PXDNL: variants seen among roughly 807,000 people sequenced by gnomAD.
The protein encoded by PXDNL is probable oxidoreductase PXDNL.
PXDNL carries 145 observed loss-of-function variants against 150.8 expected under a neutral mutation model. The ratio of observed to expected loss-of-function variants is 0.96; its 90% CI spans 0.84 to 1.10. The LOEUF is 1.10. Ranked by LOEUF, PXDNL falls within the 50% of genes least tolerant of loss-of-function variation. PXDNL has a pLI of 0.00. For missense variants in PXDNL, 2,087 were observed against 1,873.9 expected, an observed-to-expected ratio of 1.11 and a Z score of -2.10; for synonymous variants, 757 against 725.7, an observed-to-expected ratio of 1.04 and a Z score of -0.69.
chr8:51,486,537 TAA>T (rs1810740816), intron 5 of PXDNL, among the ~76,000 whole-genome samples: 1 of 151,810 alleles, frequency 6.6e-6, no homozygotes, highest in African/African-American at 2.4e-5. Flanking sequence ...TTCAGTAAAT[TAA>T]AACAGTAGTA....
At chr8:51,493,576 A>C (rs973147654) in intron 5 of PXDNL, among the ~76,000 whole-genome samples, 5 of 152,222 alleles carry the variant, frequency 3.3e-5, no homozygotes, top group African/African-American at 9.6e-5. Flanking sequence ...CAATGCAGAG[A>C]AGTCCTTAAA....
At chr8:51,680,180 A>G (rs1017198733) in intron 1 of PXDNL, among the ~76,000 whole-genome samples, 1 of 152,174 alleles carries the variant, frequency 6.6e-6, no homozygotes, top group Non-Finnish European at 1.5e-5. Context: ...CTTATCCACA[A>G]TGGAGAGTCA....
chr8:51,771,049 T>C (rs1230920885), intron 1 of PXDNL, among the ~76,000 whole-genome samples: 1 of 152,268 alleles, frequency 6.6e-6, no homozygotes, highest in African/African-American at 2.4e-5. Flanking sequence ...AGCATGCTGC[T>C]ATCAGTCTTG....
At chr8:51,789,190 G>A (rs1293276447) in intron 1 of PXDNL, among the ~76,000 whole-genome samples, 1 of 146,476 alleles carries the variant, frequency 6.8e-6, no homozygotes, top group Non-Finnish European at 1.5e-5. Flanking sequence ...TCTCCTCATT[G>A]TACCCATTTT....
At chr8:51,640,968 C>T (rs1360804354) in intron 2 of PXDNL, among the ~76,000 whole-genome samples, 1 of 152,160 alleles carries the variant, frequency 6.6e-6, no homozygotes, top group Non-Finnish European at 1.5e-5. Flanking sequence ...CACAAGGCTA[C>T]AGTAACCCAA....
chr8:51,743,930 AGGAAGGAAGGAG>A, intron 1 of PXDNL, among the ~76,000 whole-genome samples: 1 of 57,096 alleles, frequency 1.8e-5, no homozygotes, highest in African/African-American at 4.3e-5. Flanking sequence ...GAAGGAAGGA[AGGAAGGAAGGAG>A]AGAAAGAGAG....
chr8:51,415,771 T>C (rs1006971532), intron 14 of PXDNL, among the ~76,000 whole-genome samples: 5 of 152,116 alleles, frequency 3.3e-5, no homozygotes, highest in Non-Finnish European at 7.4e-5. Flanking sequence ...CGAATTAAAA[T>C]ATATAATACT....
chr8:51,739,698 C>T (rs1367273701), intron 1 of PXDNL, among the ~76,000 whole-genome samples: 1 of 151,788 alleles, frequency 6.6e-6, no homozygotes, highest in African/African-American at 2.4e-5. Flanking sequence ...CACAGTGAAG[C>T]CCCGTTTCTA....
rs115458290 is a variant in PXDNL, at chr8:51,719,869, C to T, written c.165-65109G>A. 3.4e-3 allele frequency among the ~76,000 whole-genome samples: 510 copies of T among 152,002 alleles called. 1 individual carries two copies. Among genetic ancestry groups the T allele is most frequent in the African/African-American group, 0.012 (478 of 41,454 alleles). On this transcript the variant is annotated intron_variant, in intron 1 of 22. Coordinates refer to ENST00000356297, the MANE Select transcript of PXDNL (RefSeq NM_144651.5). ...TTTTTTCAAAGATCAGTAAGCGGTG[C>T]GCTTAGAAGAGAAACAGCCTCTCTA...
intron 2 of PXDNL, among the ~76,000 whole-genome samples, chr8:51,611,089 T>C (rs748951053): frequency 6.6e-5 from 10 of 152,174 alleles, no homozygotes; most frequent in Non-Finnish European, 1.3e-4. Flanking sequence ...GGGGGTCATC[T>C]TGGAATTTCT....
In PXDNL at chr8:51,686,049, G is replaced by A. The variant is rs545513187; in HGVS notation, c.165-31289C>T. 2.0e-5 allele frequency among the ~76,000 whole-genome samples: 3 copies of A among 152,336 alleles called. No individual in the cohort carries two copies. In the South Asian group the frequency reaches 6.2e-4, roughly 32 times the overall value. ...CTCTTGCCACACTCTGAGATGGAATGCTTAAAGATTAACATCCTCTGCCAC... is the reference window on the plus strand; with the variant it reads ...CTCTTGCCACACTCTGAGATGGAATACTTAAAGATTAACATCCTCTGCCAC... On this transcript the variant is annotated intron_variant, in intron 1 of 22. Coordinates refer to ENST00000356297, the MANE Select transcript of PXDNL (RefSeq NM_144651.5).
At chr8:51,500,126 CATA>C (rs1811151326) in intron 4 of PXDNL, among the ~76,000 whole-genome samples, 1 of 152,122 alleles carries the variant, frequency 6.6e-6, no homozygotes, top group Non-Finnish European at 1.5e-5. Context: ...AGATTACAAA[CATA>C]ATAAGATACA....
chr8:51,385,218 A>G (rs1006776907), intron 17 of PXDNL, among the ~76,000 whole-genome samples: 1 of 152,164 alleles, frequency 6.6e-6, no homozygotes, highest in African/African-American at 2.4e-5. Flanking sequence ...GGCCTGAGAC[A>G]TATTCCCCTT....
At chr8:51,535,718 A>T (rs1203431186) in intron 4 of PXDNL, among the ~76,000 whole-genome samples, 26 of 138,922 alleles carry the variant, frequency 1.9e-4, no homozygotes, top group Middle Eastern at 3.7e-3. Flanking sequence ...GATCAATAAA[A>T]AAATAAATAA....
rs1198917728 is a variant in PXDNL at position 51,463,176 on chromosome 8, C to CAAAT, written c.813-5510_813-5509insATTT. Among the ~76,000 whole-genome samples the CAAAT allele has an allele frequency of 2.6e-5, 4 of 152,264 alleles. No individual in the cohort carries two copies. In the East Asian group the frequency reaches 7.7e-4, roughly 29 times the overall value. ...AGAATGATGCCTACTATCACCAAGA[C>CAAAT]ATATTTAAGTACATACCCCATAGAT... On this transcript the variant is annotated intron_variant, in intron 8 of 22. Transcript: ENST00000356297.
At chr8:51,448,520 C>T (rs543818007) in intron 11 of PXDNL, among the ~76,000 whole-genome samples, 2 of 152,172 alleles carry the variant, frequency 1.3e-5, no homozygotes, top group East Asian at 3.9e-4. Context: ...CTGGCTAACA[C>T]GGTGAAACCC....
intron 1 of PXDNL, among the ~76,000 whole-genome samples, chr8:51,685,120 T>A (rs527327401): frequency 6.6e-6 from 1 of 152,324 alleles, no homozygotes; most frequent in African/African-American, 2.4e-5. Flanking sequence ...AACCAATGTG[T>A]CTCACTGTGC....
chr8:51,443,455 T>A (rs1009018043), intron 12 of PXDNL, among the ~76,000 whole-genome samples: 1 of 152,112 alleles, frequency 6.6e-6, no homozygotes, highest in Non-Finnish European at 1.5e-5. Context: ...TGGCACCCAA[T>A]CATTTTGGCC....
intron 1 of PXDNL, among the ~76,000 whole-genome samples, chr8:51,691,552 T>G (rs1294939723): frequency 1.3e-5 from 2 of 151,990 alleles, no homozygotes; most frequent in Admixed American, 6.6e-5. Context: ...CAAGTAAGTT[T>G]GACTTAAGAA....
Sources: allele counts gnomAD v4.1 joint callset (sites outside exome capture counted in the v4.1 genomes callset), GRCh38; gene constraint gnomAD v4.1.1; transcripts MANE v1.5; gene names NCBI Gene and HGNC (gene_info 2026-07-23, HGNC 2026-07-21).